The following WDR25 variants were observed in gnomAD, a reference collection of about 807,000 sequenced individuals.
WDR25 encodes WD repeat domain 25, also known as WD repeat-containing protein 25.
A neutral mutation model predicts 47.7 loss-of-function variants in WDR25; 35 were observed. That is an observed-to-expected ratio of 0.73 (90% CI 0.56 to 0.97). The LOEUF (loss-of-function observed/expected upper bound fraction) is 0.97, where lower values mean the gene tolerates loss of function less well. WDR25 is among the 50% of genes least tolerant of loss of function. WDR25 has a pLI of 0.00. For synonymous variants in WDR25, 248 were observed against 278.9 expected (o/e 0.89, Z 1.10); for missense variants, 634 against 704.7 (o/e 0.90, Z 1.14).
intron 2 of WDR25, among the ~76,000 whole-genome samples, chr14:100,389,499 G>A (rs1351472548): frequency 6.6e-6 from 1 of 152,086 alleles, no homozygotes; most frequent in Non-Finnish European, 1.5e-5. Context: ...GCTCTCATGC[G>A]GACCCCTCAT....
intron 5 of WDR25, among the ~76,000 whole-genome samples, chr14:100,526,746 A>T (rs961071530): frequency 9.5e-5 from 9 of 94,296 alleles, no homozygotes; most frequent in South Asian, 9.5e-4. Flanking sequence ...AGCCACCACA[A>T]CCACTGTTGT....
At chr14:100,419,957 C>T (rs1595520834) in intron 2 of WDR25, among the ~76,000 whole-genome samples, 2 of 152,356 alleles carry the variant, frequency 1.3e-5, no homozygotes, top group South Asian at 4.1e-4. Context: ...TGGAATTTCC[C>T]CTGGGTTCTT....
Position 100,450,819 on chromosome 14 carries a change from T to C in WDR25, c.823-17202T>C, listed in dbSNP as rs1899004933. ...GCAGTCCAGAGCCCCTCTTACTGTGTGCAGATTAAGCACACTGAGGAGGGA... is the reference window on the plus strand; with the variant it reads ...GCAGTCCAGAGCCCCTCTTACTGTGCGCAGATTAAGCACACTGAGGAGGGA... On this transcript the variant is annotated intron_variant, in intron 2 of 6. Transcript: ENST00000402312. 2.0e-5 allele frequency among the ~76,000 whole-genome samples: 3 copies of C among 152,346 alleles called. No homozygotes were observed. The South Asian group carries it at 6.2e-4, about 32-fold the overall frequency.
At chr14:100,458,584 T>A (rs926020024) in intron 2 of WDR25, among the ~76,000 whole-genome samples, 1 of 152,112 alleles carries the variant, frequency 6.6e-6, no homozygotes, top group Non-Finnish European at 1.5e-5. Context: ...TATGGAACAC[T>A]CCATGTAACA....
intron 4 of WDR25, among the ~76,000 whole-genome samples, chr14:100,490,401 G>A (rs904128831): frequency 1.1e-4 from 16 of 152,244 alleles, no homozygotes; most frequent in African/African-American, 3.6e-4. Flanking sequence ...CGGAGGCTGA[G>A]CCACTGTCAT....
chr14:100,493,041 C>T (rs542211274), intron 4 of WDR25, among the ~76,000 whole-genome samples: 1 of 152,314 alleles, frequency 6.6e-6, no homozygotes, highest in East Asian at 1.9e-4. Context: ...GAACTCCTGG[C>T]CTCAAGCGAT....
intron 4 of WDR25, among the ~76,000 whole-genome samples, chr14:100,496,828 CTTTTTT>C (rs1226765543): frequency 2.7e-5 from 2 of 73,424 alleles, no homozygotes; most frequent in Non-Finnish European, 4.9e-5. Flanking sequence ...TTCTTTAATT[CTTTTTT>C]TTTTTTTTTT....
chr14:100,485,177 G>T (rs1900341642), intron 4 of WDR25, among the ~76,000 whole-genome samples: 1 of 151,326 alleles, frequency 6.6e-6, no homozygotes, highest in South Asian at 2.1e-4. Context: ...CTAAGTAGAG[G>T]CTTGCTGCCC....
intron 4 of WDR25, among the ~76,000 whole-genome samples, chr14:100,496,909 T>C (rs1313756561): frequency 6.9e-6 from 1 of 144,730 alleles, no homozygotes; most frequent in East Asian, 2.2e-4. Flanking sequence ...GATTTTGGCT[T>C]ACTGCAAAGT....
At chr14:100,503,807 T>C (rs751532984) in intron 4 of WDR25, 2 of 152,256 alleles carry the variant, frequency 1.3e-5, no homozygotes, top group Non-Finnish European at 2.9e-5. Flanking sequence ...GCTTTAATTA[T>C]GTCTGTTCTG....
chr14:100,490,375 A>T (rs375600467), intron 4 of WDR25, among the ~76,000 whole-genome samples: 4 of 152,380 alleles, frequency 2.6e-5, no homozygotes, highest in South Asian at 4.1e-4. Flanking sequence ...ACAAGCAATT[A>T]TCCTGGCCAG....
intron 2 of WDR25, chr14:100,454,891 G>A (rs933532394): frequency 6.3e-6 from 1 of 158,076 alleles, no homozygotes; most frequent in Non-Finnish European, 1.4e-5. Context: ...AACAGAGTTT[G>A]AAATTTGAGT....
intron 4 of WDR25, among the ~76,000 whole-genome samples, chr14:100,508,031 A>G (rs1465515931): frequency 6.6e-6 from 1 of 152,306 alleles, no homozygotes; most frequent in South Asian, 2.1e-4. Flanking sequence ...TCAACAAAAT[A>G]CTAGTGAACC....
chr14:100,456,740 G>T (rs944158760), intron 2 of WDR25, among the ~76,000 whole-genome samples: 2 of 152,208 alleles, frequency 1.3e-5, no homozygotes, highest in Non-Finnish European at 2.9e-5. Context: ...GATCATCAGT[G>T]AGCTGTGGGA....
At chr14:100,519,906 T>A (rs1221619281) in intron 4 of WDR25, among the ~76,000 whole-genome samples, 1 of 142,900 alleles carries the variant, frequency 7.0e-6, no homozygotes, top group East Asian at 2.0e-4. Flanking sequence ...GTATACTAGA[T>A]GTATATATAG....
At chr14:100,461,537 A>G (rs1244131667) in intron 2 of WDR25, among the ~76,000 whole-genome samples, 1 of 152,216 alleles carries the variant, frequency 6.6e-6, no homozygotes, top group Non-Finnish European at 1.5e-5. Flanking sequence ...GGGAGACTCA[A>G]TATTATTAAG....
At chr14:100,491,436 G>A (rs1900561830) in intron 4 of WDR25, among the ~76,000 whole-genome samples, 1 of 152,204 alleles carries the variant, frequency 6.6e-6, no homozygotes, top group South Asian at 2.1e-4. Context: ...TAGGACAATG[G>A]TCCTGTAAGA....
At chr14:100,389,640 A>C (rs966062551) in intron 2 of WDR25, among the ~76,000 whole-genome samples, 3 of 152,170 alleles carry the variant, frequency 2.0e-5, no homozygotes, top group African/African-American at 7.2e-5. Context: ...CCCCTCTGGC[A>C]GGCTTCCTGA....
At chr14:100,501,517 G>T (rs1202164248) in intron 4 of WDR25, among the ~76,000 whole-genome samples, 1 of 152,158 alleles carries the variant, frequency 6.6e-6, no homozygotes, top group Non-Finnish European at 1.5e-5. Flanking sequence ...CGATAACACC[G>T]GTCATCTCAG....
Sources: gnomAD v4.1 joint callset for allele counts (sites outside exome capture counted in the v4.1 genomes callset) on GRCh38, gnomAD v4.1.1 for gene constraint, MANE v1.5 for transcripts, NCBI Gene and HGNC (gene_info 2026-07-23, HGNC 2026-07-21) for gene names.